TEAD1: variants seen among roughly 807,000 people sequenced by gnomAD.
The protein encoded by TEAD1 is transcriptional enhancer factor TEF-1.
Under a neutral mutation model 54.9 loss-of-function variants are expected in TEAD1, and 9 were observed. The ratio of observed to expected loss-of-function variants is 0.16; its 90% confidence interval spans 0.10 to 0.29. The LOEUF is 0.29. Ranked by LOEUF, TEAD1 falls within the 10% of genes least tolerant of loss-of-function variation. TEAD1 has a pLI of 1.00. For synonymous variants in TEAD1, 200 were observed against 187.8 expected, an observed-to-expected ratio of 1.07 and a Z score of -0.53; for missense variants, 387 against 535.9, an observed-to-expected ratio of 0.72 and a Z score of 2.74.
At chr11:12,699,221 CAT>C (rs1590063317) in intron 2 of TEAD1, among the ~76,000 whole-genome samples, 1 of 152,090 alleles carries the variant, frequency 6.6e-6, no homozygotes, top group South Asian at 2.1e-4. Flanking sequence ...TAAATTCATA[CAT>C]GTTTTATTAT....
chr11:12,730,650 C>G (rs1944404723), intron 2 of TEAD1, among the ~76,000 whole-genome samples: 1 of 147,706 alleles, frequency 6.8e-6, no homozygotes, highest in South Asian at 2.2e-4. Flanking sequence ...GCCTGTACTC[C>G]ATGACTTTAT....
chr11:12,785,630 C>G (rs140614341), intron 3 of TEAD1, among the ~76,000 whole-genome samples: 382 of 152,284 alleles, frequency 2.5e-3, no homozygotes, highest in African/African-American at 8.8e-3. Context: ...TCCCTCATCC[C>G]CTACCGTCCT....
intron 12 of TEAD1, among the ~76,000 whole-genome samples, chr11:12,933,402 AT>A (rs1949046993): frequency 6.6e-6 from 1 of 152,208 alleles, no homozygotes; most frequent in Admixed American, 6.5e-5. Flanking sequence ...AACAGGAGAA[AT>A]TGTACCTCAT....
intron 3 of TEAD1, among the ~76,000 whole-genome samples, chr11:12,842,661 A>C (rs911106521): frequency 6.6e-6 from 1 of 152,132 alleles, no homozygotes; most frequent in African/African-American, 2.4e-5. Flanking sequence ...GCATGTCTGA[A>C]GGCCGTTTCC....
chr11:12,782,165 G>A (rs146368547), intron 3 of TEAD1, among the ~76,000 whole-genome samples: 1 of 152,038 alleles, frequency 6.6e-6, no homozygotes, highest in Non-Finnish European at 1.5e-5. Context: ...GATATTTATA[G>A]CAGCATTATT....
At chr11:12,894,142 T>G (rs1948258523) in intron 9 of TEAD1, among the ~76,000 whole-genome samples, 2 of 152,236 alleles carry the variant, frequency 1.3e-5, no homozygotes, top group South Asian at 4.1e-4. Context: ...TTTAAATTCC[T>G]AAGTGGATTA....
chr11:12,677,917 C>G (rs999638443), intron 2 of TEAD1, among the ~76,000 whole-genome samples: 37 of 152,128 alleles, frequency 2.4e-4, no homozygotes, highest in Non-Finnish European at 3.7e-4. Flanking sequence ...ATTATGCTGC[C>G]TGCAAATGAA....
chr11:12,804,847 C>A (rs2133980301), intron 3 of TEAD1, among the ~76,000 whole-genome samples: 1 of 152,170 alleles, frequency 6.6e-6, no homozygotes, highest in Admixed American at 6.5e-5. Context: ...GAGGGCAGCA[C>A]CCCAGATGAT....
chr11:12,801,520 A>G (rs1052522336), intron 3 of TEAD1, among the ~76,000 whole-genome samples: 7 of 152,242 alleles, frequency 4.6e-5, no homozygotes. Context: ...TCACTGAATA[A>G]TGTCAGTAAC....
chr11:12,750,340 C>T (rs1944844449), intron 2 of TEAD1, among the ~76,000 whole-genome samples: 1 of 152,060 alleles, frequency 6.6e-6, no homozygotes, highest in Non-Finnish European at 1.5e-5. Context: ...TGATCAGGTA[C>T]CGAGCAGAGT....
chr11:12,789,556 GTT>G (rs1449206952), intron 3 of TEAD1, among the ~76,000 whole-genome samples: 1 of 152,212 alleles, frequency 6.6e-6, no homozygotes, highest in Non-Finnish European at 1.5e-5. Context: ...ACAAGAAAGA[GTT>G]TGGCTCAGAG....
intron 9 of TEAD1, among the ~76,000 whole-genome samples, chr11:12,890,443 A>G (rs572796314): frequency 2.6e-5 from 4 of 152,302 alleles, no homozygotes; most frequent in Admixed American, 2.6e-4. Context: ...CCTATCTTTC[A>G]TCATGCTCTA....
chr11:12,807,940 A>C (rs1213173994), intron 3 of TEAD1, among the ~76,000 whole-genome samples: 1 of 152,144 alleles, frequency 6.6e-6, no homozygotes, highest in Non-Finnish European at 1.5e-5. Flanking sequence ...AAGTAGCCCG[A>C]GTCCTAGATG....
chr11:12,694,162 T>C (rs1464782372), intron 2 of TEAD1, among the ~76,000 whole-genome samples: 1 of 152,188 alleles, frequency 6.6e-6, no homozygotes, highest in Non-Finnish European at 1.5e-5. Context: ...CAAGGGGCTT[T>C]AGTGTTCCAG....
At chr11:12,679,313 A>G (rs1247687474) in intron 2 of TEAD1, among the ~76,000 whole-genome samples, 1 of 152,122 alleles carries the variant, frequency 6.6e-6, no homozygotes, top group African/African-American at 2.4e-5. Context: ...ATTTGTTTTG[A>G]AGGCTCTGTC....
intron 2 of TEAD1, among the ~76,000 whole-genome samples, chr11:12,735,046 A>G (rs1944501245): frequency 6.6e-6 from 1 of 152,218 alleles, no homozygotes; most frequent in African/African-American, 2.4e-5. Flanking sequence ...AGTAAAGGAA[A>G]TTAAAATGGG....
At chr11:12,742,784 G>T (rs1301608180) in intron 2 of TEAD1, among the ~76,000 whole-genome samples, 1 of 152,146 alleles carries the variant, frequency 6.6e-6, no homozygotes, top group Non-Finnish European at 1.5e-5. Context: ...GTAAATATTA[G>T]CTGTGAATAT....
At chr11:12,810,230 C>T (rs1408075983) in intron 3 of TEAD1, among the ~76,000 whole-genome samples, 1 of 152,076 alleles carries the variant, frequency 6.6e-6, no homozygotes, top group Non-Finnish European at 1.5e-5. Context: ...CCGCCCACCT[C>T]AACCTCCCAA....
chr11:12,859,421 T>C (rs1038433564), intron 3 of TEAD1, among the ~76,000 whole-genome samples: 22 of 152,192 alleles, frequency 1.4e-4, no homozygotes, highest in Non-Finnish European at 2.9e-5. Context: ...GGATGCACAG[T>C]GAGGCCCCAG....
Sources: gnomAD v4.1 joint callset for allele counts (sites outside exome capture counted in the v4.1 genomes callset) on GRCh38, gnomAD v4.1.1 for gene constraint, MANE v1.5 for transcripts, NCBI Gene and HGNC (gene_info 2026-07-23, HGNC 2026-07-21) for gene names.